DENND5B: variants seen among roughly 807,000 people sequenced by gnomAD.
DENND5B encodes the protein DENN domain-containing protein 5B.
In DENND5B, 34 loss-of-function variants were observed where a neutral mutation model predicts 140.6. That is an observed-to-expected ratio of 0.24 (90% CI 0.18 to 0.32). The LOEUF (loss-of-function observed/expected upper bound fraction) is 0.32, where lower values mean the gene tolerates loss of function less well. Ranked by LOEUF, DENND5B falls within the 10% of genes least tolerant of loss-of-function variation. The pLI, the probability that DENND5B is intolerant of heterozygous loss-of-function variation, is 1.00. For missense variants in DENND5B, 1,142 were observed against 1,560.2 expected, an observed-to-expected ratio of 0.73 and a Z score of 4.52; for synonymous variants, 551 against 562.1, an observed-to-expected ratio of 0.98 and a Z score of 0.28.
intron 1 of DENND5B, among the ~76,000 whole-genome samples, chr12:31,504,356 G>A (rs985312566): frequency 3.3e-5 from 5 of 152,190 alleles, no homozygotes; most frequent in African/African-American, 1.2e-4. Context: ...TGTAGATGAT[G>A]TTAGAATGCC....
intron 1 of DENND5B, among the ~76,000 whole-genome samples, chr12:31,583,327 G>C (rs988175685): frequency 4.2e-5 from 6 of 143,260 alleles, no homozygotes; most frequent in Admixed American, 2.9e-4. Context: ...AGAGAGAAAA[G>C]AATGCCTATT....
intron 8 of DENND5B, among the ~76,000 whole-genome samples, chr12:31,429,736 T>C (rs141910754): frequency 0.02 from 3,107 of 151,988 alleles, 54 homozygotes; most frequent in South Asian, 0.053. Flanking sequence ...AAACAGAGTC[T>C]CACTCTGTTG....
chr12:31,411,430 C>T (rs1942457225), intron 13 of DENND5B, among the ~76,000 whole-genome samples: 1 of 150,060 alleles, frequency 6.7e-6, no homozygotes, highest in Admixed American at 6.7e-5. Context: ...CTGCAACTTC[C>T]GCCTCCTGGG....
At chr12:31,584,538 C>T (rs1337067105) in intron 1 of DENND5B, among the ~76,000 whole-genome samples, 1 of 152,226 alleles carries the variant, frequency 6.6e-6, no homozygotes, top group Admixed American at 6.5e-5. Context: ...CGCAGCCAGG[C>T]ATGGTGGCTC....
In DENND5B at chr12:31,446,882, G is replaced by A. The variant is rs1944298349; in HGVS notation, c.1861+656C>T. Among the ~76,000 whole-genome samples, 5 of 134,334 alleles carry A rather than the reference G, an allele frequency of 3.7e-5. No homozygotes were observed. The East Asian group carries it at 8.7e-4, about 23-fold the overall frequency. The allele number at this position is 134,334 out of a possible 152,430, so 88.1% of individuals were successfully genotyped here. A position where few individuals can be genotyped will look rare whatever the true frequency, so the allele number is the denominator to read the frequency against. On this transcript the variant is annotated intron_variant, in intron 6 of 20. Transcript: ENST00000389082. ...AGCCTGGGCGACAGAGTGAGACTCC[G>A]CCTCAAAAAAAAAAAAAAGAAAAAG...
At chr12:31,405,547 T>C (rs1413702235) in intron 14 of DENND5B, among the ~76,000 whole-genome samples, 1 of 151,820 alleles carries the variant, frequency 6.6e-6, no homozygotes, top group Non-Finnish European at 1.5e-5. Flanking sequence ...TGTATGTATG[T>C]ATGTATGTAT....
chr12:31,431,614 G>C (rs1943514592), intron 8 of DENND5B, among the ~76,000 whole-genome samples: 1 of 152,128 alleles, frequency 6.6e-6, no homozygotes, highest in Non-Finnish European at 1.5e-5. Context: ...ATAAAATACA[G>C]ACCAGGAAGG....
At chr12:31,567,499 C>G (rs1180249659) in intron 1 of DENND5B, among the ~76,000 whole-genome samples, 2 of 145,170 alleles carry the variant, frequency 1.4e-5, no homozygotes, top group Non-Finnish European at 3.0e-5. Context: ...TGCACTCCAG[C>G]CTGGGCAACA....
Position 31,387,914 on chromosome 12 carries a change from T to C in DENND5B, c.3642-128A>G, listed in dbSNP as rs915368903. 13 of 922,972 alleles carry C rather than the reference T, an allele frequency of 1.4e-5. No homozygotes were observed. In the South Asian group the frequency reaches 1.8e-4, roughly 13 times the overall value. The allele number at this position is 922,972 out of a possible 1,614,324, so 57.2% of individuals were successfully genotyped here. A position where few individuals can be genotyped will look rare whatever the true frequency, so the allele number is the denominator to read the frequency against. ...TACAAAATGTATCCAAGCTAAGAGG[T>C]CAGGAGAGAGGAAATCAAAGCCAAG... On this transcript the variant is annotated intron_variant, in intron 20 of 20. Transcript: ENST00000389082.
At chr12:31,474,861 G>A (rs1467520918) in intron 3 of DENND5B, among the ~76,000 whole-genome samples, 1 of 152,020 alleles carries the variant, frequency 6.6e-6, no homozygotes, top group East Asian at 1.9e-4. Context: ...TTTACACAGC[G>A]CTTTCATTTT....
intron 16 of DENND5B, 22 bp downstream of exon 16, chr12:31,399,632 G>A (rs1235285268): frequency 1.3e-6 from 2 of 1,586,574 alleles, no homozygotes; most frequent in African/African-American, 2.7e-5. Flanking sequence ...AGAATTCTGA[G>A]TTCCCAAGGC....
In DENND5B at chr12:31,392,801, C is replaced by T. The variant is rs1852365411; in HGVS notation, c.3257-105G>A. ...CTAGGCAGGAAATACGTCATCAGAG[C>T]AGGCTGGCTTTGCCAGGGGCTCCAT... is the stretch of plus-strand genomic sequence containing the variant. On this transcript the variant is annotated intron_variant, in intron 17 of 20. Transcript: ENST00000389082. 2.6e-6 allele frequency: 3 copies of T among 1,150,832 alleles called. No homozygotes were observed. In the South Asian group the frequency reaches 4.8e-5, roughly 18 times the overall value. 71.3% of individuals were successfully genotyped at this position (1,150,832 alleles called of 1,614,324 possible). A position where few individuals can be genotyped will look rare whatever the true frequency, so the allele number is the denominator to read the frequency against.
At chr12:31,411,653 T>A (rs941282878) in intron 13 of DENND5B, among the ~76,000 whole-genome samples, 1 of 151,944 alleles carries the variant, frequency 6.6e-6, no homozygotes, top group Non-Finnish European at 1.5e-5. Context: ...AATAACTTTT[T>A]GTAATTGGAA....
At chr12:31,533,561 A>C (rs1484408104) in intron 1 of DENND5B, among the ~76,000 whole-genome samples, 1 of 152,210 alleles carries the variant, frequency 6.6e-6, no homozygotes, top group Non-Finnish European at 1.5e-5. Context: ...TAAAACAAAG[A>C]CCTTGGAAAA....
intron 1 of DENND5B, among the ~76,000 whole-genome samples, chr12:31,530,333 A>G (rs1461399821): frequency 6.6e-6 from 1 of 152,240 alleles, no homozygotes; most frequent in Non-Finnish European, 1.5e-5. Flanking sequence ...AGATCGTGCC[A>G]TTGCACTCCA....
At chr12:31,485,736 C>CTCTCT (rs111956883) in intron 2 of DENND5B, among the ~76,000 whole-genome samples, 1 of 149,684 alleles carries the variant, frequency 6.7e-6, no homozygotes, top group African/African-American at 2.5e-5. Flanking sequence ...GCTTCCATCT[C>CTCTCT]CTCTCTCTCT....
chr12:31,471,461 A>T (rs1394607907), intron 3 of DENND5B, among the ~76,000 whole-genome samples: 35 of 111,884 alleles, frequency 3.1e-4, no homozygotes, highest in South Asian at 1.2e-3. Context: ...CCATGCCTGT[A>T]TTTTTTTTTT....
chr12:31,537,904 A>C (rs753354122), intron 1 of DENND5B, among the ~76,000 whole-genome samples: 6 of 152,198 alleles, frequency 3.9e-5, no homozygotes, highest in Non-Finnish European at 8.8e-5. Flanking sequence ...TCACTATATA[A>C]TGATAAAGGG....
intron 8 of DENND5B, among the ~76,000 whole-genome samples, chr12:31,428,765 T>C (rs138951018): frequency 0.011 from 1,751 of 152,276 alleles, 23 homozygotes; most frequent in African/African-American, 0.04. Flanking sequence ...GGAGTCTCCC[T>C]GTGTCGCCCA....
Sources: allele counts gnomAD v4.1 joint callset (sites outside exome capture counted in the v4.1 genomes callset), GRCh38; gene constraint gnomAD v4.1.1; transcripts MANE v1.5; gene names NCBI Gene and HGNC (gene_info 2026-07-23, HGNC 2026-07-21).